The following ZFP1 variants were observed in gnomAD, a reference collection of about 807,000 sequenced individuals.
ZFP1 encodes zinc finger protein 1 homolog.
In ZFP1, 32 loss-of-function variants were observed where a neutral mutation model predicts 38.5. That is an observed-to-expected ratio of 0.83 (90% confidence interval 0.63 to 1.12). ZFP1 has a LOEUF of 1.12. Among genes scored for constraint, ZFP1 ranks in the 50% most tolerant of loss-of-function variants. ZFP1 has a pLI of 0.00. For synonymous variants in ZFP1, 245 were observed against 168.8 expected (o/e 1.45, Z -3.50); for missense variants, 616 against 480.8 (o/e 1.28, Z -2.63).
At chr16:75,141,588 T>TC in the ZFP1 span, among the ~76,000 whole-genome samples, 1 of 152,000 alleles carries the variant, frequency 6.6e-6, no homozygotes, top group African/African-American at 2.4e-5. Flanking sequence ...TAGCACTTAC[T>TC]CCAAGAAATA....
At chr16:75,163,075 A>C (rs1460351330) in intron 2 of ZFP1, among the ~76,000 whole-genome samples, 3 of 151,710 alleles carry the variant, frequency 2.0e-5, no homozygotes, top group Non-Finnish European at 4.4e-5. Flanking sequence ...ACGTCCGGCT[A>C]ATTTTTGTAT....
At chr16:75,161,480 T>C (rs1298140670) in intron 2 of ZFP1, among the ~76,000 whole-genome samples, 1 of 151,596 alleles carries the variant, frequency 6.6e-6, no homozygotes, top group Non-Finnish European at 1.5e-5. Context: ...CCTACAGTGA[T>C]TGCTCTCCTG....
chr16:75,166,715 C>T (rs1597081302), intron 2 of ZFP1, 55 bp from the exon 3 acceptor site: 1 of 1,612,690 alleles, frequency 6.2e-7, no homozygotes, highest in South Asian at 1.1e-5. Flanking sequence ...TTTCATCTAT[C>T]CTTTCTATAT....
At chr16:75,139,956 G>A in the ZFP1 span, among the ~76,000 whole-genome samples, 12 of 152,130 alleles carry the variant, frequency 7.9e-5, no homozygotes, top group Non-Finnish European at 1.5e-4. Flanking sequence ...TATTACATAT[G>A]TATTTTACCA....
chr16:75,169,595 GA>G lies in ZFP1; in HGVS notation c.489del (p.Ala164ProfsTer14). On this transcript the variant is annotated frameshift_variant, in exon 4 of 4. Transcript: ENST00000570010. LOFTEE classifies it high-confidence loss of function. ...GVEYSEYNKS[G>X]KALSHKAAIF... ...GAATATTCTGAATACAATAAAAGTG[GA>G]AAAGCCCTCAGCCATAAAGCAGCCA... 2 of 1,595,254 alleles carry G rather than the reference GA, an allele frequency of 1.3e-6. No individual in the cohort carries two copies. Among genetic ancestry groups the G allele is most frequent in the Non-Finnish European group, 8.5e-7 (1 of 1,175,166 alleles).
At chr16:75,164,530 C>G (rs2037956866) in intron 2 of ZFP1, among the ~76,000 whole-genome samples, 1 of 152,144 alleles carries the variant, frequency 6.6e-6, no homozygotes, top group African/African-American at 2.4e-5. Context: ...GCACATCCAA[C>G]TGATTCTTGC....
At chr16:75,142,932 C>T in the ZFP1 span, among the ~76,000 whole-genome samples, 1 of 152,152 alleles carries the variant, frequency 6.6e-6, no homozygotes, top group African/African-American at 2.4e-5. Flanking sequence ...GAACTCTTGA[C>T]CTCAAGTGAT....
the ZFP1 span, among the ~76,000 whole-genome samples, chr16:75,139,990 C>T: frequency 6.6e-6 from 1 of 152,048 alleles, no homozygotes; most frequent in Admixed American, 6.6e-5. Flanking sequence ...TGAGGCTGGC[C>T]AGGCATAGTG....
intron 1 of ZFP1, among the ~76,000 whole-genome samples, chr16:75,152,096 A>T (rs1423920365): frequency 1.3e-5 from 2 of 152,056 alleles, no homozygotes; most frequent in Non-Finnish European, 2.9e-5. Flanking sequence ...ATTTTTCTAC[A>T]TATAATATGT....
intron 3 of ZFP1, among the ~76,000 whole-genome samples, chr16:75,168,830 T>A (rs527576827): frequency 6.6e-6 from 1 of 152,282 alleles, no homozygotes; most frequent in South Asian, 2.1e-4. Flanking sequence ...ATACTATTAG[T>A]CGAGATCTGC....
At position 75,165,730 on chromosome 16, in the gene ZFP1, T is replaced by TA. The variant is rs1461219751; in HGVS notation, c.16-1038dup. ...TTATATGCTGAGTATTTTTTTTTTT[T>TA]AATGTACTTATTGTACTTGGGGTTG... On this transcript the variant is annotated intron_variant, in intron 2 of 3. Coordinates refer to ENST00000570010, the MANE Select transcript of ZFP1 (RefSeq NM_153688.4). Among the ~76,000 whole-genome samples the TA allele has an allele frequency of 3.9e-5, 6 of 152,130 alleles. No homozygotes were observed. In the East Asian group the frequency reaches 9.7e-4, roughly 24 times the overall value.
chr16:75,154,799 T>G, intron 2 of ZFP1, among the ~76,000 whole-genome samples: 1 of 152,196 alleles, frequency 6.6e-6, no homozygotes, highest in East Asian at 1.9e-4. Context: ...TTTATGTTTT[T>G]AATTTTTATT....
the ZFP1 span, among the ~76,000 whole-genome samples, chr16:75,139,385 A>C: frequency 1.4e-4 from 20 of 146,826 alleles, no homozygotes; most frequent in Admixed American, 4.0e-4. Flanking sequence ...AAAAAAAAAA[A>C]AAAAAAAAAA....
At chr16:75,145,129 C>CT (rs2036928969), upstream of ZFP1, among the ~76,000 whole-genome samples, 1 of 152,190 alleles carries the variant, frequency 6.6e-6, no homozygotes, top group Admixed American at 6.5e-5. Flanking sequence ...TTGTCTCCAC[C>CT]TTTGGATATT....
chr16:75,148,300 C>G (rs1414427541), upstream of ZFP1, among the ~76,000 whole-genome samples: 2 of 152,142 alleles, frequency 1.3e-5, no homozygotes, highest in African/African-American at 2.4e-5. Context: ...TCACGACCCA[C>G]TCTGGGAAAA....
At chr16:75,140,268 C>CA in the ZFP1 span, among the ~76,000 whole-genome samples, 82 of 145,544 alleles carry the variant, frequency 5.6e-4, no homozygotes, top group Non-Finnish European at 6.3e-4. Flanking sequence ...AACTCCATCT[C>CA]AAAAAAAAAA....
upstream of ZFP1, among the ~76,000 whole-genome samples, chr16:75,146,369 G>A (rs1213333907): frequency 6.6e-6 from 1 of 151,972 alleles, no homozygotes; most frequent in African/African-American, 2.4e-5. Context: ...GGGTTTCGCT[G>A]TGTTAGCCAG....
chr16:75,169,584 C>T lies in ZFP1; in HGVS notation c.474C>T (p.Tyr158=), dbSNP rs763616735. 1.9e-6 allele frequency: 3 copies of T among 1,596,766 alleles called. No individual in the cohort carries two copies. Among genetic ancestry groups the T allele is most frequent in the African/African-American group, 2.7e-5 (2 of 73,480 alleles). The part of the protein sequence containing the change: ...KTHSGVEYSE[Y]NKSGKALSHK... ...ACAGTGGAGTAGAATATTCTGAATACAATAAAAGTGGAAAAGCCCTCAGCC... is the reference window on the plus strand; with the variant it reads ...ACAGTGGAGTAGAATATTCTGAATATAATAAAAGTGGAAAAGCCCTCAGCC... The change falls in exon 4 of 4, where the codon TAC becomes TAT. Residue 158 remains tyrosine (Y), a synonymous_variant. Coordinates refer to ENST00000570010, the MANE Select transcript of ZFP1 (RefSeq NM_153688.4).
chr16:75,128,173 G>T, the ZFP1 span, among the ~76,000 whole-genome samples: 1 of 152,168 alleles, frequency 6.6e-6, no homozygotes, highest in Non-Finnish European at 1.5e-5. Flanking sequence ...CCTGTAAAGG[G>T]TTCCTGACCT....
Sources: gnomAD v4.1 joint callset for allele counts (sites outside exome capture counted in the v4.1 genomes callset) on GRCh38, gnomAD v4.1.1 for gene constraint, MANE v1.5 for transcripts, NCBI Gene and HGNC (gene_info 2026-07-23, HGNC 2026-07-21) for gene names.